The following CA11 variants were observed in gnomAD, a reference collection of about 807,000 sequenced individuals.
CA11 encodes carbonic anhydrase 11 (inactive), also known as carbonic anhydrase-related protein 11.
A neutral mutation model predicts 39.3 loss-of-function variants in CA11; 20 were observed. The ratio of observed to expected loss-of-function variants is 0.51; its 90% CI spans 0.36 to 0.74. The LOEUF (loss-of-function observed/expected upper bound fraction) is 0.74, where lower values mean the gene tolerates loss of function less well. Among genes scored for constraint, CA11 ranks in the 30% least tolerant of loss-of-function variants. CA11 has a pLI of 0.00. For synonymous variants in CA11, 166 were observed against 172.5 expected (o/e 0.96, Z 0.29); for missense variants, 336 against 424.6 (o/e 0.79, Z 1.83).
intron 8 of CA11, among the ~76,000 whole-genome samples, chr19:48,638,668 T>C (rs2030939361): frequency 6.6e-6 from 1 of 151,776 alleles, no homozygotes; most frequent in Non-Finnish European, 1.5e-5. Flanking sequence ...TACAAAGCAG[T>C]GAAGAGGAAA....
At chr19:48,644,203 A>C (rs779243678) in intron 3 of CA11, among the ~76,000 whole-genome samples, 18 of 152,124 alleles carry the variant, frequency 1.2e-4, no homozygotes, top group Non-Finnish European at 2.1e-4. Flanking sequence ...GGCACAGGAA[A>C]TGTTCTGCTT....
chr19:48,645,389 C>G lies in CA11; in HGVS notation c.142+14G>C, dbSNP rs116709645. ...CGGGAGGGCCGGACTCCTGGGTCCC[C>G]GCCTTGGCGGCACCTGGCACGAAGT... On this transcript the variant is annotated intron_variant, in intron 2 of 8. Transcript: ENST00000084798. 3 of 1,569,398 alleles carry G rather than the reference C, an allele frequency of 1.9e-6. No individual in the cohort carries two copies. The East Asian group carries it at 7.0e-5, about 37-fold the overall frequency.
At chr19:48,640,370 T>C (rs1601188154) in intron 3 of CA11, 90 bp from the exon 4 acceptor site, 11 of 591,218 alleles carry the variant, frequency 1.9e-5, no homozygotes, top group East Asian at 1.8e-4. Context: ...CAACAGTCTT[T>C]TTTTTTTTTT....
In CA11 at chr19:48,645,732, G is replaced by T; in HGVS notation, c.-100C>A. On this transcript the variant is annotated 5_prime_UTR_variant, in exon 1 of 9. The change creates a new upstream start codon in the 5' untranslated region. Transcript: ENST00000084798. ...GGACCCTGTCCCTCCAGGACTTCCA[G>T]CTTTCCTCTCCTCCCCACAGGGAGT... The T allele has an allele frequency of 1.0e-6, 1 of 981,608 alleles. No homozygotes were observed. The highest frequency in any genetic ancestry group is 1.4e-6 in the Non-Finnish European group (1 of 701,800). 60.8% of individuals were successfully genotyped at this position (981,608 alleles called of 1,614,324 possible).
Position 48,640,179 on chromosome 19 carries a change from T to A in CA11, c.387A>T (p.Arg129=). The A allele has an allele frequency of 6.2e-7, 1 of 1,613,876 alleles. No homozygotes were observed. Among genetic ancestry groups the A allele is most frequent in the East Asian group, 2.2e-5 (1 of 44,864 alleles). ...VSGGPLLYSH[R]LSELRLLFGA... is the part of the protein sequence containing the mutation. Reference sequence around the variant, plus strand: ...CAAACAGCAGCCGCAGTTCACTGAGTCGGTGGCTGTAAAGGAGGGGACCTC... The same window carrying A: ...CAAACAGCAGCCGCAGTTCACTGAGACGGTGGCTGTAAAGGAGGGGACCTC... Residue 129 remains arginine (R), a synonymous_variant, in exon 4 of 9, where the codon CGA becomes CGT. Coordinates refer to ENST00000084798, the MANE Select transcript of CA11 (RefSeq NM_001217.5).
chr19:48,643,188 T>C lies in CA11; in HGVS notation c.285+1239A>G, dbSNP rs2031141829. 6.6e-6 allele frequency among the ~76,000 whole-genome samples: 1 copy of C among 152,062 alleles called. No individual in the cohort carries two copies. The highest frequency in any genetic ancestry group is 2.1e-4 in the South Asian group (1 of 4,826). On this transcript the variant is annotated intron_variant, in intron 3 of 8. Coordinates refer to ENST00000084798, the MANE Select transcript of CA11 (RefSeq NM_001217.5). The surrounding 1 kb of genome is among the most constrained non-coding windows in gnomAD (Gnocchi z 4.3). ...CTCTCTTTCTTTCTCGCTCTCTCTCTTTCTTTTCTCTCCCTCTCTCTCTGT... is the reference window on the plus strand; with the variant it reads ...CTCTCTTTCTTTCTCGCTCTCTCTCCTTCTTTTCTCTCCCTCTCTCTCTGT...
At chr19:48,645,190 CCACT>C (rs2031209748) in intron 2 of CA11, among the ~76,000 whole-genome samples, 1 of 152,116 alleles carries the variant, frequency 6.6e-6, no homozygotes, top group South Asian at 2.1e-4. Flanking sequence ...CACTTTCCTT[CCACT>C]CACTCCCACT....
rs113919675 is a variant in CA11, at chr19:48,638,076, G to A, written c.*43C>T. On this transcript the variant is annotated 3_prime_UTR_variant, in exon 9 of 9. Transcript: ENST00000084798. Reference sequence around the variant, plus strand: ...TTAGGGGTAACTCCCCTCGCCTTGTGGGGAGGCTTAGGACGGGCGGGTGCA... The same window carrying A: ...TTAGGGGTAACTCCCCTCGCCTTGTAGGGAGGCTTAGGACGGGCGGGTGCA... The A allele has an allele frequency of 1.7e-5, 24 of 1,426,370 alleles. No homozygotes were observed. The African/African-American group carries it at 3.0e-4, about 18-fold the overall frequency. The allele number at this position is 1,426,370 out of a possible 1,614,324, so 88.4% of individuals were successfully genotyped here.
At chr19:48,644,259 G>A (rs968981396) in intron 3 of CA11, among the ~76,000 whole-genome samples, 168 bp downstream of exon 3, 2 of 152,062 alleles carry the variant, frequency 1.3e-5, no homozygotes, top group African/African-American at 2.4e-5. Flanking sequence ...CCATGCTTGG[G>A]ATGGGAAGAA....
intron 3 of CA11, among the ~76,000 whole-genome samples, chr19:48,641,416 G>A (rs1047813885): frequency 3.9e-5 from 6 of 152,174 alleles, no homozygotes; most frequent in Non-Finnish European, 8.8e-5. Flanking sequence ...GCTATGTGCC[G>A]TGGATGCAAG....
intron 2 of CA11, among the ~76,000 whole-genome samples, chr19:48,645,023 G>C (rs1273079111): frequency 6.6e-6 from 1 of 151,850 alleles, no homozygotes; most frequent in Non-Finnish European, 1.5e-5. Flanking sequence ...TTTTTTAATC[G>C]CTCTTATCCC....
At chr19:48,644,301 C>T (rs558368548) in intron 3 of CA11, 126 bp downstream of exon 3, 2 of 788,524 alleles carry the variant, frequency 2.5e-6, no homozygotes, top group East Asian at 2.7e-5. Flanking sequence ...TAAGCAGCCT[C>T]CTCTCCACCC....
intron 3 of CA11, among the ~76,000 whole-genome samples, chr19:48,644,161 A>G (rs1267590753): frequency 6.6e-6 from 1 of 152,120 alleles, no homozygotes. Flanking sequence ...TGGTTATGAG[A>G]TGAGAGGCTT....
In CA11 at chr19:48,643,236, G is replaced by A. The variant is rs766266654; in HGVS notation, c.285+1191C>T. Among the ~76,000 whole-genome samples, 6 of 151,482 alleles carry A rather than the reference G, an allele frequency of 4.0e-5. No individual in the cohort carries two copies. The highest frequency in any genetic ancestry group is 4.2e-4 in the South Asian group (2 of 4,804). On this transcript the variant is annotated intron_variant, in intron 3 of 8. Coordinates refer to ENST00000084798, the MANE Select transcript of CA11 (RefSeq NM_001217.5). The surrounding 1 kb of genome is among the most constrained non-coding windows in gnomAD (Gnocchi z 4.3). ...TGTATTTATTTCTTTCTGAGATGGA[G>A]TCTTGTTCTGTCACCCAGGCTGGAG...
chr19:48,639,775 C>G lies in CA11; in HGVS notation c.567+13G>C. 6.2e-7 allele frequency: 1 copy of G among 1,612,904 alleles called. No homozygotes were observed. Among genetic ancestry groups the G allele is most frequent in the Non-Finnish European group, 8.5e-7 (1 of 1,179,016 alleles). On this transcript the variant is annotated intron_variant, in intron 5 of 8. Transcript: ENST00000084798. ...CCAACTGCTCCCTCCCTCTGAATCT[C>G]GCCTCCGCTCACGTTGACAAAGAGG...
chr19:48,640,427 T>C (rs1371595070), intron 3 of CA11, 147 bp from the exon 4 acceptor site: 2 of 632,738 alleles, frequency 3.2e-6, no homozygotes, highest in Non-Finnish European at 5.1e-6. Context: ...CAGGCTGGAG[T>C]GCAGTGGCGT....
At position 48,637,986 on chromosome 19, in the gene CA11, C is replaced by G. The variant is rs1182122352; in HGVS notation, c.*133G>C. On this transcript the variant is annotated 3_prime_UTR_variant, in exon 9 of 9. Transcript: ENST00000084798. ...TGTTCTTTAATACCCAAATGTTTCC[C>G]CACCGCGCCTAGAATCAGACCACTG... is the stretch of plus-strand genomic sequence containing the variant. The G allele has an allele frequency of 1.8e-6, 1 of 546,618 alleles. No homozygotes were observed. Among genetic ancestry groups the G allele is most frequent in the Non-Finnish European group, 3.0e-6 (1 of 328,234 alleles). The allele number at this position is 546,618 out of a possible 1,614,324, so 33.9% of individuals were successfully genotyped here.
In CA11 at chr19:48,640,132, G is replaced by A. The variant is rs760122166; in HGVS notation, c.434C>T (p.Ser145Leu). Residue 145 changes from serine to leucine, a missense_variant, in exon 4 of 9, where the codon TCG (serine) becomes TTG (leucine). Coordinates refer to ENST00000084798, the MANE Select transcript of CA11 (RefSeq NM_001217.5). ...GCCCTGGTGGTTGATCTGATGTTCC[G>A]AGCCGGCTCCGTCGCGAGCTCCAAA... ...LLFGARDGAG[S>L]EHQINHQGFS... The A allele has an allele frequency of 5.0e-6, 8 of 1,613,884 alleles. No homozygotes were observed. Among genetic ancestry groups the A allele is most frequent in the Admixed American group, 3.3e-5 (2 of 59,970 alleles).
Position 48,639,315 on chromosome 19 carries a change from G to A in CA11, c.785C>T (p.Thr262Ile). The change falls in exon 7 of 9, where the codon ACC (threonine) becomes ATC (isoleucine). Residue 262 changes from threonine to isoleucine, a missense_variant. Transcript: ENST00000084798. ...CGGACAGAGGGTCACCTGAAGGGAG[G>A]TGATATTGAGGGCCCGGTCAATGAG... The part of the protein sequence containing the change: ...WILIDRALNI[T>I]SLQMHSLRLL... 6.2e-7 allele frequency: 1 copy of A among 1,613,576 alleles called. No homozygotes were observed. Among genetic ancestry groups the A allele is most frequent in the Non-Finnish European group, 8.5e-7 (1 of 1,179,908 alleles).
Sources: gnomAD v4.1 joint callset for allele counts (sites outside exome capture counted in the v4.1 genomes callset) on GRCh38, gnomAD v4.1.1 for gene constraint, Gnocchi (gnomAD v3.1) non-coding constraint, MANE v1.5 for transcripts, NCBI Gene and HGNC (gene_info 2026-07-23, HGNC 2026-07-21) for gene names.